MCC: variants seen among roughly 807,000 people sequenced by gnomAD.
MCC encodes the protein MCC regulator of Wnt signaling pathway.
MCC carries 90 observed loss-of-function variants against 116.2 expected under a neutral mutation model. The observed-to-expected ratio is 0.77, with a 90% CI of 0.65 to 0.92. The LOEUF is 0.92. Ranked by LOEUF, MCC falls within the 40% of genes least tolerant of loss-of-function variation. MCC has a pLI of 0.00. For missense variants in MCC, 1,516 were observed against 1,312.2 expected (o/e 1.16, Z -2.40); for synonymous variants, 578 against 510.5 (o/e 1.13, Z -1.78).
chr5:113,289,743 T>C (rs1462479836), intron 3 of MCC, among the ~76,000 whole-genome samples: 2 of 152,230 alleles, frequency 1.3e-5, no homozygotes, highest in Non-Finnish European at 2.9e-5. Context: ...CTTGCTCTAG[T>C]CACTGACACA....
intron 3 of MCC, among the ~76,000 whole-genome samples, chr5:113,191,220 G>A (rs1226880094): frequency 2.6e-5 from 4 of 152,262 alleles, no homozygotes; most frequent in Non-Finnish European, 4.4e-5. Context: ...GGAAAGGCTG[G>A]TCTCCCCCAT....
intron 6 of MCC, among the ~76,000 whole-genome samples, chr5:113,113,531 T>G (rs1167157388): frequency 6.6e-6 from 1 of 151,738 alleles, no homozygotes; most frequent in African/African-American, 2.4e-5. Context: ...CAAGAGGACT[T>G]ATGAGAACAA....
At chr5:113,295,559 A>T (rs1297947006) in intron 3 of MCC, among the ~76,000 whole-genome samples, 2 of 145,624 alleles carry the variant, frequency 1.4e-5, no homozygotes, top group Non-Finnish European at 3.1e-5. Flanking sequence ...CAACCCCCAG[A>T]CCTTCCTTAA....
chr5:113,077,306 C>G (rs1018662870), intron 11 of MCC, among the ~76,000 whole-genome samples: 2 of 152,252 alleles, frequency 1.3e-5, no homozygotes, highest in African/African-American at 4.8e-5. Context: ...CCAAGCAGAC[C>G]AAACAGGCAT....
At chr5:113,118,853 T>G (rs1283289334) in intron 6 of MCC, among the ~76,000 whole-genome samples, 2 of 152,238 alleles carry the variant, frequency 1.3e-5, no homozygotes, top group Non-Finnish European at 2.9e-5. Context: ...TCCTCCTTGT[T>G]GTGCCCAAGT....
At chr5:113,364,302 C>A (rs1381324293) in intron 2 of MCC, among the ~76,000 whole-genome samples, 1 of 142,486 alleles carries the variant, frequency 7.0e-6, no homozygotes, top group Non-Finnish European at 1.5e-5. Context: ...CCATGCAAGT[C>A]CAAAACCCAG....
intron 14 of MCC, among the ~76,000 whole-genome samples, chr5:113,059,990 T>C (rs143269430): frequency 4.8e-4 from 73 of 152,288 alleles, no homozygotes; most frequent in African/African-American, 1.7e-3. Flanking sequence ...GAAGAAAAAT[T>C]CATTTTTCAT....
chr5:113,356,063 A>ATTTT (rs5870538), intron 2 of MCC, among the ~76,000 whole-genome samples: 2 of 140,160 alleles, frequency 1.4e-5, no homozygotes, highest in Admixed American at 7.1e-5. Context: ...GGCAAGGTGT[A>ATTTT]TTTTTTTTTT....
chr5:113,219,104 A>C (rs780193426), intron 3 of MCC, among the ~76,000 whole-genome samples: 1 of 152,252 alleles, frequency 6.6e-6, no homozygotes, highest in Non-Finnish European at 1.5e-5. Context: ...GGTTTCTACA[A>C]ACAATAAAAT....
At chr5:113,074,545 T>C (rs1447866495) in intron 11 of MCC, among the ~76,000 whole-genome samples, 2 of 148,936 alleles carry the variant, frequency 1.3e-5, no homozygotes, top group African/African-American at 4.9e-5. Flanking sequence ...CTTTGATGAG[T>C]TGATAGAAGA....
intron 16 of MCC, among the ~76,000 whole-genome samples, chr5:113,047,101 T>G (rs2150218330): frequency 6.6e-6 from 1 of 152,288 alleles, no homozygotes. Context: ...AGCTCAGAAG[T>G]TCATTTCTTC....
chr5:113,171,556 T>C (rs1761072725), intron 3 of MCC, among the ~76,000 whole-genome samples: 1 of 152,052 alleles, frequency 6.6e-6, no homozygotes, highest in South Asian at 2.1e-4. Flanking sequence ...GGTTTCACCA[T>C]GTTGCCCAGG....
chr5:113,260,202 G>T (rs935814734), intron 3 of MCC, among the ~76,000 whole-genome samples: 1 of 151,920 alleles, frequency 6.6e-6, no homozygotes, highest in Admixed American at 6.6e-5. Context: ...TGTTATGTGG[G>T]TTATATCCAC....
intron 1 of MCC, among the ~76,000 whole-genome samples, chr5:113,401,274 A>G (rs1769679492): frequency 1.3e-5 from 2 of 152,338 alleles, no homozygotes; most frequent in South Asian, 4.1e-4. Flanking sequence ...TGTATTTAAT[A>G]TATAAAAGAT....
intron 18 of MCC, among the ~76,000 whole-genome samples, chr5:113,027,850 G>T (rs10079779): frequency 0.019 from 2,855 of 152,280 alleles, 94 homozygotes; most frequent in African/African-American, 0.064. Flanking sequence ...ATAGTCAAGT[G>T]TATCTTACAG....
chr5:113,198,804 T>C (rs1213886730), intron 3 of MCC, among the ~76,000 whole-genome samples: 1 of 151,622 alleles, frequency 6.6e-6, no homozygotes, highest in African/African-American at 2.4e-5. Flanking sequence ...GGAGAGAGGC[T>C]GGGCTGGGTT....
At position 113,023,540 on chromosome 5, in the gene MCC, A is replaced by T. The variant is rs899988783; in HGVS notation, c.*3762T>A. The T allele has an allele frequency of 3.9e-5, 6 of 152,246 alleles. No individual in the cohort carries two copies. Among genetic ancestry groups the T allele is most frequent in the Non-Finnish European group, 7.3e-5 (5 of 68,044 alleles). 9.4% of individuals were successfully genotyped at this position (152,246 alleles called of 1,614,324 possible). A position where few individuals can be genotyped will look rare whatever the true frequency, so the allele number is the denominator to read the frequency against. On this transcript the variant is annotated 3_prime_UTR_variant, in exon 19 of 19. Coordinates refer to ENST00000408903, the MANE Select transcript of MCC (RefSeq NM_001085377.2). ...CTATGGCGGTACCCTAATTAAGGTC[A>T]GTGCAGAAATCTCAACCATTACAGA...
intron 3 of MCC, among the ~76,000 whole-genome samples, chr5:113,156,557 T>G (rs1226706227): frequency 1.3e-5 from 2 of 152,246 alleles, no homozygotes; most frequent in African/African-American, 2.4e-5. Context: ...ATAGCTGCGT[T>G]GCCAGATTCT....
intron 3 of MCC, among the ~76,000 whole-genome samples, chr5:113,162,497 C>T (rs949889229): frequency 5.3e-5 from 8 of 151,992 alleles, no homozygotes; most frequent in Non-Finnish European, 1.2e-4. Context: ...TCGTTGCAAT[C>T]TTCTTTTTTT....
Sources: allele counts gnomAD v4.1 joint callset (sites outside exome capture counted in the v4.1 genomes callset), GRCh38; gene constraint gnomAD v4.1.1; transcripts MANE v1.5; gene names NCBI Gene and HGNC (gene_info 2026-07-23, HGNC 2026-07-21).